BLTP1: variants seen among roughly 807,000 people sequenced by gnomAD.
BLTP1 encodes the protein fragile site-associated protein.
chr4:122,237,230 A>T, the BLTP1 span: 6 of 985,284 alleles, frequency 6.1e-6, no homozygotes, highest in Non-Finnish European at 6.0e-6. Flanking sequence ...AGGAGGGGGA[A>T]GTTGAGCAAG....
chr4:122,239,915 A>G, the BLTP1 span: 1 of 1,614,014 alleles, frequency 6.2e-7, no homozygotes, highest in East Asian at 2.2e-5. Context: ...AAGGCCCTGG[A>G]ACTTATCCGG....
At chr4:122,357,458 G>A in the BLTP1 span, among the ~76,000 whole-genome samples, 1 of 151,856 alleles carries the variant, frequency 6.6e-6, no homozygotes, top group African/African-American at 2.4e-5. Flanking sequence ...CAGCTACTCG[G>A]GAGGCTGTGA....
the BLTP1 span, chr4:122,188,160 C>T: frequency 2.3e-6 from 3 of 1,284,628 alleles, no homozygotes; most frequent in Non-Finnish European, 3.0e-6. Flanking sequence ...ACTTTAACAT[C>T]CTTTTACTTT....
At chr4:122,303,666 C>A in the BLTP1 span, among the ~76,000 whole-genome samples, 4 of 152,084 alleles carry the variant, frequency 2.6e-5, no homozygotes, top group Non-Finnish European at 5.9e-5. Context: ...CTTTGAGGGA[C>A]TCAAGACACT....
chr4:122,250,240 A>G, the BLTP1 span: 2 of 1,055,532 alleles, frequency 1.9e-6, no homozygotes, highest in South Asian at 1.8e-5. Context: ...ACTTTTATAG[A>G]TTAGGGCAAA....
chr4:122,293,544 C>T, the BLTP1 span, among the ~76,000 whole-genome samples: 3 of 151,878 alleles, frequency 2.0e-5, no homozygotes, highest in Non-Finnish European at 4.4e-5. Flanking sequence ...CCTTGTGAGT[C>T]CTACCACCAG....
At chr4:122,305,555 A>C in the BLTP1 span, 1 of 984,780 alleles carries the variant, frequency 1.0e-6, no homozygotes, top group Non-Finnish European at 1.2e-6. Context: ...AGATACGAGG[A>C]AAAAATGAAC....
At chr4:122,171,668 G>T in the BLTP1 span, 2 of 188,832 alleles carry the variant, frequency 1.1e-5, no homozygotes, top group African/African-American at 2.6e-5. Flanking sequence ...TTTCTGAGGG[G>T]ATGCTTATGC....
At chr4:122,310,262 G>A in the BLTP1 span, among the ~76,000 whole-genome samples, 1 of 152,006 alleles carries the variant, frequency 6.6e-6, no homozygotes. Flanking sequence ...AAAAATTGAA[G>A]TTTTAGCATT....
chr4:122,213,265 C>A, the BLTP1 span, among the ~76,000 whole-genome samples: 1 of 152,102 alleles, frequency 6.6e-6, no homozygotes, highest in African/African-American at 2.4e-5. Context: ...TCTCAAACTT[C>A]TTCCTGGCCT....
chr4:122,274,719 T>C, the BLTP1 span: 1 of 714,204 alleles, frequency 1.4e-6, no homozygotes, highest in South Asian at 6.3e-5. Context: ...TTTTCAGAAT[T>C]TGCTCTTTCT....
At chr4:122,283,768 C>T in the BLTP1 span, among the ~76,000 whole-genome samples, 6 of 152,096 alleles carry the variant, frequency 3.9e-5, no homozygotes, top group Admixed American at 2.6e-4. Flanking sequence ...CCTTGGTCTC[C>T]CAAAGTGCTG....
the BLTP1 span, among the ~76,000 whole-genome samples, chr4:122,348,257 G>T: frequency 1.3e-5 from 2 of 152,088 alleles, no homozygotes; most frequent in Non-Finnish European, 2.9e-5. Context: ...TTTCTTCTTT[G>T]TTAAACAGAA....
the BLTP1 span, among the ~76,000 whole-genome samples, chr4:122,332,776 C>T: frequency 8.8e-6 from 1 of 113,656 alleles, no homozygotes; most frequent in Admixed American, 9.6e-5. Flanking sequence ...TGCTATCCCT[C>T]CCCCCTCCCC....
At chr4:122,170,248 T>C in the BLTP1 span, 14 of 566,840 alleles carry the variant, frequency 2.5e-5, no homozygotes, top group Non-Finnish European at 2.8e-5. Context: ...GGAGGTTGCC[T>C]GAGCCGAGAT....
chr4:122,241,198 A>T, the BLTP1 span, among the ~76,000 whole-genome samples: 135 of 152,306 alleles, frequency 8.9e-4, 3 homozygotes, highest in Admixed American at 4.8e-3. Flanking sequence ...GAGGAATTGA[A>T]GATAGGAGGA....
At chr4:122,186,040 A>G in the BLTP1 span, 5 of 1,576,584 alleles carry the variant, frequency 3.2e-6, no homozygotes, top group South Asian at 4.8e-5. Flanking sequence ...CTTTAGATCC[A>G]AAGGCAGAAA....
the BLTP1 span, chr4:122,156,052 C>T: frequency 2.6e-6 from 2 of 768,966 alleles, no homozygotes; most frequent in Admixed American, 6.3e-5. Flanking sequence ...TGAGTAGATT[C>T]TGGGGCCATT....
chr4:122,157,090 A>G, the BLTP1 span, among the ~76,000 whole-genome samples: 1 of 152,192 alleles, frequency 6.6e-6, no homozygotes, highest in South Asian at 2.1e-4. Flanking sequence ...GTTTAGCTTA[A>G]GATGACGTAT....
Sources: gnomAD v4.1 joint callset for allele counts (sites outside exome capture counted in the v4.1 genomes callset) on GRCh38, gnomAD v4.1.1 for gene constraint, MANE v1.5 for transcripts, NCBI Gene and HGNC (gene_info 2026-07-23, HGNC 2026-07-21) for gene names.